AGXT2: variants seen among roughly 807,000 people sequenced by gnomAD.
The protein encoded by AGXT2 is alanine--glyoxylate aminotransferase 2, mitochondrial.
AGXT2 carries 61 observed loss-of-function variants against 62.5 expected under a neutral mutation model. The ratio of observed to expected loss-of-function variants is 0.98; its 90% CI spans 0.79 to 1.21. AGXT2 has a LOEUF of 1.21. AGXT2 is among the 50% of genes most tolerant of loss of function. The pLI, the probability that AGXT2 is intolerant of heterozygous loss-of-function variation, is 0.00. For synonymous variants in AGXT2, 243 were observed against 218.7 expected (o/e 1.11, Z -0.98); for missense variants, 666 against 641.5 (o/e 1.04, Z -0.41).
chr5:34,999,787 C>T (rs1188722436), intron 13 of AGXT2, among the ~76,000 whole-genome samples: 1 of 152,200 alleles, frequency 6.6e-6, no homozygotes, highest in African/African-American at 2.4e-5. Flanking sequence ...CTCTCACATC[C>T]ATTTTTATAA....
intron 12 of AGXT2, among the ~76,000 whole-genome samples, chr5:35,006,895 A>C (rs978576283): frequency 4.6e-5 from 7 of 152,182 alleles, no homozygotes; most frequent in Non-Finnish European, 7.4e-5. Flanking sequence ...AACACAAAGC[A>C]CTTACCATCT....
At chr5:35,004,441 G>A (rs767839761) in intron 12 of AGXT2, among the ~76,000 whole-genome samples, 8 of 152,144 alleles carry the variant, frequency 5.3e-5, no homozygotes, top group Non-Finnish European at 1.0e-4. Context: ...AGTGCTCCAG[G>A]AGCCGAGAGC....
intron 6 of AGXT2, 72 bp downstream of exon 6, chr5:35,033,388 A>C (rs1461183986): frequency 3.3e-6 from 4 of 1,207,156 alleles, no homozygotes; most frequent in Non-Finnish European, 4.9e-6. Context: ...TCCTTATACC[A>C]GGAAAACCTG....
At position 35,010,090 on chromosome 5, in the gene AGXT2, T is replaced by C. The variant is rs745927049; in HGVS notation, c.1248A>G (p.Leu416=). ...NSQEVGTYML[L]KFAKLRDEFE... ...ATTCATCCCGCAGCTTAGCAAACTTTAGTAACATGTAGGTCCCAACTTCTT... is the reference window on the plus strand; with the variant it reads ...ATTCATCCCGCAGCTTAGCAAACTTCAGTAACATGTAGGTCCCAACTTCTT... Residue 416 remains leucine, a synonymous_variant, in exon 12 of 14, where the codon CTA becomes CTG. Transcript: ENST00000231420. 6.2e-7 allele frequency: 1 copy of C among 1,614,232 alleles called. No individual in the cohort carries two copies. Among genetic ancestry groups the C allele is most frequent in the Admixed American group, 1.7e-5 (1 of 60,024 alleles).
chr5:35,031,818 T>C (rs1033030106), intron 7 of AGXT2, among the ~76,000 whole-genome samples: 2 of 152,026 alleles, frequency 1.3e-5, no homozygotes, highest in Non-Finnish European at 2.9e-5. Flanking sequence ...AGTTTTGAGA[T>C]TGCCAAAAGC....
chr5:35,033,460 T>G lies in AGXT2; in HGVS notation c.675A>C (p.Pro225=), dbSNP rs751498933. The G allele has an allele frequency of 6.2e-7, 1 of 1,609,698 alleles. No individual in the cohort carries two copies. Among genetic ancestry groups the G allele is most frequent in the Non-Finnish European group, 8.5e-7 (1 of 1,175,958 alleles). Residue 225 remains proline (P), a splice_region_variant and synonymous_variant, in exon 6 of 14, where the codon CCA becomes CCC. Coordinates refer to ENST00000231420, the MANE Select transcript of AGXT2 (RefSeq NM_031900.4). The part of the protein sequence containing the change: ...MELPGGTGCQ[P]TMCPDVFRGP... Reference sequence around the variant, plus strand: ...ACAAGAGAAAAATCTCCAAACTCACTGGTTGGCAACCTGTCCCACCAGGGA... The same window carrying G: ...ACAAGAGAAAAATCTCCAAACTCACGGGTTGGCAACCTGTCCCACCAGGGA...
chr5:35,001,093 C>T (rs1267887056), intron 13 of AGXT2, among the ~76,000 whole-genome samples: 1 of 152,202 alleles, frequency 6.6e-6, no homozygotes. Context: ...CTATGATGTA[C>T]AGTTGGTTAG....
At chr5:35,031,245 C>A (rs894896931) in intron 7 of AGXT2, among the ~76,000 whole-genome samples, 2 of 152,196 alleles carry the variant, frequency 1.3e-5, no homozygotes, top group African/African-American at 4.8e-5. Context: ...GTGAAACTGG[C>A]TTTCCTGATG....
intron 12 of AGXT2, among the ~76,000 whole-genome samples, chr5:35,006,118 G>C (rs1225357823): frequency 2.0e-5 from 3 of 152,122 alleles, no homozygotes; most frequent in Non-Finnish European, 4.4e-5. Flanking sequence ...TTTGGACTTA[G>C]TCTTCTTAAA....
Position 35,014,111 on chromosome 5 carries a change from T to C in AGXT2, c.972A>G (p.Thr324=). ...GGVCIADEVQ[T]GFGRLGSHFW... ...AGTGAGAGCCCAACCTTCCAAATCC[T>C]GTCTGCACCTGGGAAAACAAGTTCA... Residue 324 remains threonine, a synonymous_variant, in exon 10 of 14, where the codon ACA becomes ACG. Transcript: ENST00000231420. 7 of 1,614,052 alleles carry C rather than the reference T, an allele frequency of 4.3e-6. No homozygotes were observed. The highest frequency in any genetic ancestry group is 5.9e-6 in the Non-Finnish European group (7 of 1,179,984).
At chr5:35,002,045 A>C (rs542226080) in intron 13 of AGXT2, among the ~76,000 whole-genome samples, 8 of 152,170 alleles carry the variant, frequency 5.3e-5, no homozygotes, top group Non-Finnish European at 1.2e-4. Context: ...AGTTTCCAGA[A>C]TGACACCTGT....
intron 7 of AGXT2, among the ~76,000 whole-genome samples, chr5:35,030,440 G>T (rs551782393): frequency 4.6e-5 from 7 of 152,144 alleles, no homozygotes; most frequent in Non-Finnish European, 8.8e-5. Flanking sequence ...CCCGGGAGGC[G>T]GAGGTTGCAG....
intron 9 of AGXT2, among the ~76,000 whole-genome samples, chr5:35,016,011 C>G (rs1766838244): frequency 6.6e-6 from 1 of 152,026 alleles, no homozygotes; most frequent in African/African-American, 2.4e-5. Context: ...AGAGCTTAAT[C>G]TGGGAGTCAG....
chr5:35,044,243 T>C (rs1768099862), intron 1 of AGXT2, among the ~76,000 whole-genome samples: 1 of 152,206 alleles, frequency 6.6e-6, no homozygotes, highest in Admixed American at 6.5e-5. Flanking sequence ...TGTTGGGGTT[T>C]GGACGCCTGA....
At chr5:35,025,529 T>G (rs1379599421) in intron 9 of AGXT2, among the ~76,000 whole-genome samples, 1 of 152,242 alleles carries the variant, frequency 6.6e-6, no homozygotes, top group Non-Finnish European at 1.5e-5. Flanking sequence ...GTTAGCAACT[T>G]ATTTGATAGA....
At chr5:35,009,756 A>T (rs543990588) in intron 12 of AGXT2, among the ~76,000 whole-genome samples, 6 of 152,292 alleles carry the variant, frequency 3.9e-5, no homozygotes, top group Non-Finnish European at 2.9e-5. Context: ...CTATTTGCCT[A>T]GGATGGCAAG....
At chr5:35,009,892 G>A in intron 12 of AGXT2, 108 bp downstream of exon 12, 1 of 1,476,216 alleles carries the variant, frequency 6.8e-7, no homozygotes, top group Non-Finnish European at 9.4e-7. Flanking sequence ...AAATCTTGCT[G>A]TTTGTGTCTG....
chr5:35,020,870 C>T (rs1231711298), intron 9 of AGXT2, among the ~76,000 whole-genome samples: 1 of 152,018 alleles, frequency 6.6e-6, no homozygotes, highest in East Asian at 1.9e-4. Flanking sequence ...GCAACTTCAG[C>T]AAAGTCTCAG....
intron 9 of AGXT2, among the ~76,000 whole-genome samples, chr5:35,022,679 T>C (rs2112232708): frequency 6.8e-6 from 1 of 147,248 alleles, no homozygotes; most frequent in African/African-American, 2.5e-5. Context: ...CATATGCAAC[T>C]AACCTGCACA....
Sources: allele counts gnomAD v4.1 joint callset (sites outside exome capture counted in the v4.1 genomes callset), GRCh38; gene constraint gnomAD v4.1.1; transcripts MANE v1.5; gene names NCBI Gene and HGNC (gene_info 2026-07-23, HGNC 2026-07-21).